Variants in CMIP observed in about 807,000 individuals in gnomAD.
CMIP encodes C-Maf-inducing protein.
Under a neutral mutation model 97.3 loss-of-function variants are expected in CMIP, and 13 were observed. The ratio of observed to expected loss-of-function variants is 0.13; its 90% CI spans 0.09 to 0.21. CMIP has a LOEUF of 0.21. Among genes scored for constraint, CMIP ranks in the 10% least tolerant of loss-of-function variants. The probability of loss-of-function intolerance (pLI) is 1.00; values close to 1 mark genes in which losing one functional copy is unlikely to be tolerated. For synonymous variants in CMIP, 538 were observed against 436.3 expected, an observed-to-expected ratio of 1.23 and a Z score of -2.91; for missense variants, 847 against 1,024.9, an observed-to-expected ratio of 0.83 and a Z score of 2.37.
chr16:81,568,481 C>A lies in CMIP; in HGVS notation c.301-39086C>A, dbSNP rs534381519. Among the ~76,000 whole-genome samples the A allele has an allele frequency of 3.9e-5, 6 of 152,274 alleles. No individual in the cohort carries two copies. In the East Asian group the frequency reaches 1.2e-3, roughly 29 times the overall value. ...TGGGGCCCCGGGCAAGGGCACCGTG[C>A]CTCGGGAGTGAGTCACTCTCTCTCT... is the stretch of plus-strand genomic sequence containing the variant. On this transcript the variant is annotated intron_variant, in intron 1 of 20. Coordinates refer to ENST00000537098, the MANE Select transcript of CMIP (RefSeq NM_198390.3).
intron 1 of CMIP, among the ~76,000 whole-genome samples, chr16:81,460,029 G>A (rs749731583): frequency 6.6e-6 from 1 of 152,198 alleles, no homozygotes; most frequent in Non-Finnish European, 1.5e-5. Context: ...TTCCTGTTGT[G>A]TGAGGGCTAG....
chr16:81,705,673 C>G (rs1181720092), intron 19 of CMIP, 69 bp downstream of exon 19: 14 of 1,051,596 alleles, frequency 1.3e-5, no homozygotes, highest in African/African-American at 1.6e-5. Context: ...TTCAGCCAAA[C>G]TGGCCAAGCA....
rs985984828 is a variant in CMIP, at chr16:81,451,625, G to A, written c.300+6084G>A. ...TGGGGTTATTGCTACCTGGAGTCAT[G>A]CTTTGTTCTGGCTGAAAGGTCACCA... is the stretch of plus-strand genomic sequence containing the variant. On this transcript the variant is annotated intron_variant, in intron 1 of 20. Coordinates refer to ENST00000537098, the MANE Select transcript of CMIP (RefSeq NM_198390.3). Among the ~76,000 whole-genome samples the A allele has an allele frequency of 7.9e-5, 12 of 152,224 alleles. 1 individual carries two copies. Among genetic ancestry groups the A allele is most frequent in the Admixed American group, 2.0e-4 (3 of 15,288 alleles).
intron 2 of CMIP, among the ~76,000 whole-genome samples, chr16:81,608,037 C>A (rs182482636): frequency 1.3e-5 from 2 of 152,110 alleles, no homozygotes; most frequent in African/African-American, 4.8e-5. Context: ...CCAAGAAGGC[C>A]GTGAAAAGCA....
intron 18 of CMIP, among the ~76,000 whole-genome samples, chr16:81,704,887 C>T (rs1013646919): frequency 2.6e-5 from 4 of 151,668 alleles, no homozygotes; most frequent in Non-Finnish European, 5.9e-5. Context: ...TGCCCAGTTC[C>T]GAGTCCTGAG....
intron 2 of CMIP, among the ~76,000 whole-genome samples, chr16:81,611,841 CAG>C (rs1296438454): frequency 1.3e-5 from 2 of 152,242 alleles, no homozygotes; most frequent in African/African-American, 4.8e-5. Context: ...TCAAGGAAGG[CAG>C]AGAGGACATT....
At chr16:81,578,630 A>G (rs1448808609) in intron 1 of CMIP, among the ~76,000 whole-genome samples, 1 of 152,196 alleles carries the variant, frequency 6.6e-6, no homozygotes, top group Non-Finnish European at 1.5e-5. Context: ...TCTCCATGCC[A>G]TGGGCTGGTG....
At chr16:81,588,125 A>G (rs573749100) in intron 1 of CMIP, among the ~76,000 whole-genome samples, 94 of 152,246 alleles carry the variant, frequency 6.2e-4, no homozygotes, top group African/African-American at 2.1e-3. Context: ...GAAGGAGGCA[A>G]TTAGGATCAA....
rs377325079 is a variant in CMIP, at chr16:81,609,857, G to A, written c.426+2165G>A. Among the ~76,000 whole-genome samples the A allele has an allele frequency of 7.9e-5, 12 of 152,328 alleles. No individual in the cohort carries two copies. The East Asian group carries it at 2.3e-3, about 29-fold the overall frequency. On this transcript the variant is annotated intron_variant, in intron 2 of 20. Transcript: ENST00000537098. Reference sequence around the variant, plus strand: ...GTGGATATGTCTAGATCTGTTGGGCGATGGCCAGATCACCCAGGCCTTGCC... The same window carrying A: ...GTGGATATGTCTAGATCTGTTGGGCAATGGCCAGATCACCCAGGCCTTGCC...
chr16:81,469,610 G>T (rs139481441), intron 1 of CMIP, among the ~76,000 whole-genome samples: 3 of 152,316 alleles, frequency 2.0e-5, no homozygotes, highest in South Asian at 2.1e-4. Context: ...CCCAGGGCAG[G>T]TGACGTCAGG....
At chr16:81,587,609 C>T (rs2091403604) in intron 1 of CMIP, among the ~76,000 whole-genome samples, 1 of 152,186 alleles carries the variant, frequency 6.6e-6, no homozygotes, top group Admixed American at 6.5e-5. Flanking sequence ...GATGAAGTGG[C>T]CGCCAAAGGC....
chr16:81,493,538 A>G (rs577501878), intron 1 of CMIP, among the ~76,000 whole-genome samples: 11 of 152,354 alleles, frequency 7.2e-5, no homozygotes, highest in Admixed American at 7.2e-4. Flanking sequence ...TATGGTGACG[A>G]TGACAAGGGC....
chr16:81,651,971 G>T (rs1316984095), intron 3 of CMIP, among the ~76,000 whole-genome samples: 2 of 152,154 alleles, frequency 1.3e-5, no homozygotes, highest in Non-Finnish European at 2.9e-5. Context: ...AAGTGAGCCT[G>T]TGTGGGAAAT....
At chr16:81,501,682 GCTCA>G (rs2089615925) in intron 1 of CMIP, among the ~76,000 whole-genome samples, 1 of 150,358 alleles carries the variant, frequency 6.7e-6, no homozygotes, top group South Asian at 2.1e-4. Flanking sequence ...CGTGATCTCA[GCTCA>G]CTGCAACTTC....
At chr16:81,649,003 C>T (rs964742387) in intron 3 of CMIP, among the ~76,000 whole-genome samples, 1 of 152,060 alleles carries the variant, frequency 6.6e-6, no homozygotes, top group Non-Finnish European at 1.5e-5. Context: ...CGTCTCACTT[C>T]CCCACTCTCC....
In CMIP at chr16:81,571,723, T is replaced by C. The variant is rs968721425; in HGVS notation, c.301-35844T>C. 1.1e-4 allele frequency among the ~76,000 whole-genome samples: 16 copies of C among 152,052 alleles called. 1 individual carries two copies. The highest frequency in any genetic ancestry group is 3.4e-4 in the African/African-American group (14 of 41,422). ...TTGGTGTGTGTAGGACATGGCTTAG[T>C]GAGCACGTCGTGCACCTTGCGTGTG... is the stretch of plus-strand genomic sequence containing the variant. On this transcript the variant is annotated intron_variant, in intron 1 of 20. Transcript: ENST00000537098.
In CMIP at chr16:81,655,251, C is replaced by G. The variant is rs146637354; in HGVS notation, c.640-2524C>G. ...TGGGTTGTTTCTCTGTTCTGTTTGC[C>G]CAAGTTGTTTGCAAGGCCTCCTCTG... is the stretch of plus-strand genomic sequence containing the variant. On this transcript the variant is annotated intron_variant, in intron 4 of 20. Coordinates refer to ENST00000537098, the MANE Select transcript of CMIP (RefSeq NM_198390.3). This position sits in a 1 kb window ranked among gnomAD's most constrained non-coding sequence, Gnocchi z 4.9. 1.1e-4 allele frequency among the ~76,000 whole-genome samples: 16 copies of G among 152,250 alleles called. No individual in the cohort carries two copies. The East Asian group carries it at 2.3e-3, about 22-fold the overall frequency.
At chr16:81,481,406 T>C (rs1405274452) in intron 1 of CMIP, among the ~76,000 whole-genome samples, 1 of 152,204 alleles carries the variant, frequency 6.6e-6, no homozygotes, top group African/African-American at 2.4e-5. Context: ...GCTGAGAAGC[T>C]TTCCCAACGT....
At position 81,680,829 on chromosome 16, in the gene CMIP, A is replaced by G. The variant is rs114568821; in HGVS notation, c.1388+2201A>G. ...GCCCCGCTGTCCACTCCAACTCCCC[A>G]GTTCCAGCTGGTTTTTGCAAACACC... is the stretch of plus-strand genomic sequence containing the variant. On this transcript the variant is annotated intron_variant, in intron 10 of 20. Coordinates refer to ENST00000537098, the MANE Select transcript of CMIP (RefSeq NM_198390.3). 3.6e-3 allele frequency among the ~76,000 whole-genome samples: 552 copies of G among 152,272 alleles called. 4 individuals are homozygous for G. The highest frequency in any genetic ancestry group is 0.012 in the African/African-American group (517 of 41,542).
Sources: gnomAD v4.1 joint callset for allele counts (sites outside exome capture counted in the v4.1 genomes callset) on GRCh38, gnomAD v4.1.1 for gene constraint, Gnocchi (gnomAD v3.1) non-coding constraint, MANE v1.5 for transcripts, NCBI Gene and HGNC (gene_info 2026-07-23, HGNC 2026-07-21) for gene names.